HIBCH: variants seen among roughly 807,000 people sequenced by gnomAD.
HIBCH encodes the protein 3-hydroxyisobutyryl-CoA hydrolase, mitochondrial.
HIBCH carries 50 observed loss-of-function variants against 58.2 expected under a neutral mutation model. The observed-to-expected ratio is 0.86, with a 90% CI of 0.68 to 1.09. The LOEUF (loss-of-function observed/expected upper bound fraction) is 1.09, where lower values mean the gene tolerates loss of function less well. Ranked by LOEUF, HIBCH falls within the 50% of genes least tolerant of loss-of-function variation. The pLI, the probability that HIBCH is intolerant of heterozygous loss-of-function variation, is 0.00. For missense variants in HIBCH, 450 were observed against 449.7 expected, an observed-to-expected ratio of 1.00 and a Z score of -0.01; for synonymous variants, 151 against 146.9, an observed-to-expected ratio of 1.03 and a Z score of -0.20.
At chr2:190,221,100 C>A (rs1051982751) in intron 11 of HIBCH, among the ~76,000 whole-genome samples, 1 of 151,936 alleles carries the variant, frequency 6.6e-6, no homozygotes, top group Non-Finnish European at 1.5e-5. Context: ...CATACACACA[C>A]AAACACACAC....
At chr2:190,268,976 T>C (rs1687315471) in intron 6 of HIBCH, among the ~76,000 whole-genome samples, 1 of 152,108 alleles carries the variant, frequency 6.6e-6, no homozygotes, top group Non-Finnish European at 1.5e-5. Context: ...AAACAAGCAA[T>C]GGGGAAAGGA....
intron 11 of HIBCH, among the ~76,000 whole-genome samples, chr2:190,231,084 C>T (rs995517567): frequency 6.6e-6 from 1 of 152,150 alleles, no homozygotes; most frequent in African/African-American, 2.4e-5. Context: ...TGATTTTTGA[C>T]AAAAGACACC....
chr2:190,258,657 C>A (rs973737556), intron 7 of HIBCH, among the ~76,000 whole-genome samples: 38 of 152,146 alleles, frequency 2.5e-4, no homozygotes, highest in African/African-American at 9.2e-4. Context: ...GTTTTTGTTG[C>A]CTGAGCTTTT....
At chr2:190,221,125 CTT>C (rs1372623318) in intron 11 of HIBCH, among the ~76,000 whole-genome samples, 1 of 152,170 alleles carries the variant, frequency 6.6e-6, no homozygotes, top group East Asian at 1.9e-4. Context: ...AGGAAGAAAA[CTT>C]TATTTAAAAA....
chr2:190,224,088 C>T lies in HIBCH; in HGVS notation c.892-11013G>A, dbSNP rs113965358. Among the ~76,000 whole-genome samples the T allele has an allele frequency of 6.0e-3, 911 of 152,296 alleles. 5 individuals are homozygous for T. The highest frequency in any genetic ancestry group is 0.021 in the African/African-American group (861 of 41,560). ...GCACTTTTCCAACGGTCTTAGCAAA[C>T]GGCACACCAGGAGATTATATCCTGC... On this transcript the variant is annotated intron_variant, in intron 11 of 13. Coordinates refer to ENST00000359678, the MANE Select transcript of HIBCH (RefSeq NM_014362.4).
chr2:190,314,279 ATATATATATATGTATAT>A (rs1559068182), intron 1 of HIBCH, among the ~76,000 whole-genome samples: 1 of 94,556 alleles, frequency 1.1e-5, no homozygotes, highest in Non-Finnish European at 2.3e-5. Flanking sequence ...TACAAAAAAA[ATATATATATATGTATAT>A]ATACATATAT....
At position 190,216,355 on chromosome 2, in the gene HIBCH, AG is replaced by A. The variant is rs1559014824; in HGVS notation, c.892-3281del. On this transcript the variant is annotated intron_variant, in intron 11 of 13. Transcript: ENST00000359678. This position sits in a 1 kb window ranked among gnomAD's most constrained non-coding sequence, Gnocchi z 4.2. The stretch of plus-strand genomic sequence containing the variant: ...CGGCAGAAAGGATTCAGATTATGGA[AG>A]GGTAAATGGATGAAATGACCATTAA... Among the ~76,000 whole-genome samples, 1 of 152,196 alleles carries A rather than the reference AG, an allele frequency of 6.6e-6. No homozygotes were observed. The highest frequency in any genetic ancestry group is 1.5e-5 in the Non-Finnish European group (1 of 68,028).
chr2:190,268,299 C>T (rs1031882738), intron 6 of HIBCH, among the ~76,000 whole-genome samples: 5 of 152,174 alleles, frequency 3.3e-5, no homozygotes, highest in Non-Finnish European at 7.3e-5. Context: ...GTGTCCCGAG[C>T]ACTCTGACAT....
intron 5 of HIBCH, among the ~76,000 whole-genome samples, chr2:190,289,961 T>A (rs1306894299): frequency 6.6e-6 from 1 of 152,222 alleles, no homozygotes; most frequent in Non-Finnish European, 1.5e-5. Flanking sequence ...CACTGCAACC[T>A]CCACCTCCCA....
chr2:190,199,544 A>ATCTTT (rs1248585526), downstream of HIBCH, among the ~76,000 whole-genome samples: 1 of 152,150 alleles, frequency 6.6e-6, no homozygotes, highest in African/African-American at 2.4e-5. Flanking sequence ...TTGAGTGATT[A>ATCTTT]TCTTTTTCTT....
chr2:190,258,486 T>A (rs1342110617), intron 7 of HIBCH, among the ~76,000 whole-genome samples: 1 of 152,220 alleles, frequency 6.6e-6, no homozygotes, highest in Non-Finnish European at 1.5e-5. Context: ...GCCTCTTTAC[T>A]CTGCTAATTG....
At chr2:190,259,656 T>C (rs1010740772) in intron 7 of HIBCH, among the ~76,000 whole-genome samples, 5 of 152,244 alleles carry the variant, frequency 3.3e-5, no homozygotes, top group Admixed American at 6.5e-5. Context: ...TCAAATAGTT[T>C]GTTGTTAGTG....
At chr2:190,189,804 G>A (rs1689629504) in exon 2 of HIBCH, 1 of 152,154 alleles carries the variant, frequency 6.6e-6, no homozygotes, top group Admixed American at 6.5e-5. Flanking sequence ...GTTCCCAAAG[G>A]AAGTGACAGA....
intron 8 of HIBCH, among the ~76,000 whole-genome samples, chr2:190,251,121 T>C (rs713427): frequency 0.16 from 24,003 of 152,224 alleles, 2,692 homozygotes; most frequent in East Asian, 0.39. Context: ...CCTCTAAAAA[T>C]ATAAAACTGC....
chr2:190,239,407 C>T (rs1575716230), intron 11 of HIBCH, among the ~76,000 whole-genome samples: 1 of 152,108 alleles, frequency 6.6e-6, no homozygotes, highest in East Asian at 1.9e-4. Context: ...CATGATGCCT[C>T]CAACTTTGTT....
rs1387998523 is a variant in HIBCH at position 190,204,635 on chromosome 2, C to T, written c.*482G>A. 1.2e-5 allele frequency: 2 copies of T among 167,410 alleles called. No homozygotes were observed. Among genetic ancestry groups the T allele is most frequent in the African/African-American group, 2.4e-5 (1 of 41,538 alleles). The allele number at this position is 167,410 out of a possible 1,614,324, so 10.4% of individuals were successfully genotyped here. A position where few individuals can be genotyped will look rare whatever the true frequency, so the allele number is the denominator to read the frequency against. On this transcript the variant is annotated 3_prime_UTR_variant, in exon 14 of 14. Coordinates refer to ENST00000359678, the MANE Select transcript of HIBCH (RefSeq NM_014362.4). ...ATTCTATGAGGCATTAACACAGTAT[C>T]CAAAACAATTTTCAGGGTCTTTATT...
chr2:190,291,050 T>G (rs1448073956), intron 4 of HIBCH, among the ~76,000 whole-genome samples: 1 of 152,198 alleles, frequency 6.6e-6, no homozygotes, highest in African/African-American at 2.4e-5. Context: ...AGCTACATTT[T>G]CTTTTGATTA....
downstream of HIBCH, chr2:190,199,577 T>TTGCAA: frequency 2.4e-6 from 1 of 424,318 alleles, no homozygotes; most frequent in South Asian, 7.4e-5. Context: ...TAAAGCTGTT[T>TTGCAA]GTTTTTACCT....
At chr2:190,298,968 G>C (rs1440717895) in intron 2 of HIBCH, among the ~76,000 whole-genome samples, 1 of 152,112 alleles carries the variant, frequency 6.6e-6, no homozygotes, top group African/African-American at 2.4e-5. Flanking sequence ...CATATGGCTA[G>C]CCAGTTTTCC....
Sources: gnomAD v4.1 joint callset for allele counts (sites outside exome capture counted in the v4.1 genomes callset) on GRCh38, gnomAD v4.1.1 for gene constraint, Gnocchi (gnomAD v3.1) non-coding constraint, MANE v1.5 for transcripts, NCBI Gene and HGNC (gene_info 2026-07-23, HGNC 2026-07-21) for gene names.